ZNF519: variants seen among roughly 807,000 people sequenced by gnomAD.
ZNF519 encodes zinc finger protein 519, also known as similar to Zinc finger protein 85 (Zinc finger protein HPF4) (HTF1).
ZNF519 carries 7 observed loss-of-function variants against 7.4 expected under a neutral mutation model. The ratio of observed to expected loss-of-function variants is 0.94; its 90% CI spans 0.54 to 1.77. ZNF519 has a LOEUF of 1.77. ZNF519 is among the 40% of genes most tolerant of loss of function. The pLI is 0.00. For synonymous variants in ZNF519, 179 were observed against 203.3 expected (o/e 0.88, Z 1.02); for missense variants, 586 against 623.1 (o/e 0.94, Z 0.63).
At chr18:14,130,807 C>T (rs575993593) in intron 1 of ZNF519, among the ~76,000 whole-genome samples, 4 of 150,158 alleles carry the variant, frequency 2.7e-5, no homozygotes, top group South Asian at 2.1e-4. Flanking sequence ...GATTGGCTGA[C>T]AAGCAATGTG....
intron 3 of ZNF519, among the ~76,000 whole-genome samples, chr18:14,080,753 T>C (rs914882356): frequency 1.2e-4 from 19 of 152,216 alleles, no homozygotes; most frequent in Non-Finnish European, 2.4e-4. Flanking sequence ...GCTTTATTCA[T>C]AACTGCCAAA....
At chr18:14,074,401 CT>C, downstream of ZNF519, 1 of 152,522 alleles carries the variant, frequency 6.6e-6, no homozygotes, top group Non-Finnish European at 1.5e-5. Flanking sequence ...TGGAGCCCTC[CT>C]TTTCTGCTCC....
At chr18:14,110,920 A>G (rs1421279448) in intron 2 of ZNF519, among the ~76,000 whole-genome samples, 1 of 152,076 alleles carries the variant, frequency 6.6e-6, no homozygotes, top group Admixed American at 6.5e-5. Context: ...TGAGGGATAA[A>G]AGCTACATAT....
intron 1 of ZNF519, among the ~76,000 whole-genome samples, chr18:14,128,724 C>CACACACACACAA (rs1482574287): frequency 2.1e-5 from 3 of 146,118 alleles, no homozygotes; most frequent in East Asian, 2.1e-4. Flanking sequence ...CACACACACA[C>CACACACACACAA]AAAACCAAAT....
downstream of ZNF519, among the ~76,000 whole-genome samples, chr18:14,097,671 G>A (rs920827967): frequency 1.3e-5 from 2 of 152,110 alleles, no homozygotes; most frequent in African/African-American, 2.4e-5. Flanking sequence ...CCCTGAATGG[G>A]GACATGACCA....
chr18:14,087,095 A>T (rs894095277), intron 2 of ZNF519, among the ~76,000 whole-genome samples: 6 of 152,358 alleles, frequency 3.9e-5, no homozygotes, highest in Admixed American at 3.9e-4. Flanking sequence ...TATGCAAATC[A>T]ATAAAGGTGA....
rs1444647464 is a variant in ZNF519, at chr18:14,112,688, CAAATT to C, written c.131-6284_131-6280del. On this transcript the variant is annotated intron_variant, in intron 2 of 2. Coordinates refer to ENST00000590202, the MANE Select transcript of ZNF519 (RefSeq NM_145287.4). The stretch of plus-strand genomic sequence containing the variant: ...AGAGTAATCCCATTTACGATAGCCA[CAAATT>C]AAAATAAAATACCTAGGAATTAACC... 4.6e-5 allele frequency among the ~76,000 whole-genome samples: 7 copies of C among 151,940 alleles called. No individual in the cohort carries two copies. In the South Asian group the frequency reaches 1.2e-3, roughly 27 times the overall value.
chr18:14,074,103 A>C (rs1185624209), downstream of ZNF519: 1 of 152,248 alleles, frequency 6.6e-6, no homozygotes, highest in Non-Finnish European at 1.5e-5. Context: ...CTGCAGGATG[A>C]AGCTCTGCAG....
At chr18:14,092,414 GA>G (rs750394143) in intron 2 of ZNF519, among the ~76,000 whole-genome samples, 1 of 152,148 alleles carries the variant, frequency 6.6e-6, no homozygotes, top group Non-Finnish European at 1.5e-5. Flanking sequence ...TAATCAGGGG[GA>G]TATAAGTGTA....
chr18:14,111,330 C>G (rs2046219772), intron 2 of ZNF519, among the ~76,000 whole-genome samples: 1 of 150,836 alleles, frequency 6.6e-6, no homozygotes, highest in African/African-American at 2.4e-5. Context: ...CATGGCGAAA[C>G]CCCGTCTCTA....
rs1041127801 is a variant in ZNF519, at chr18:14,100,254, T to C, written c.*4663A>G. ...ATGATAGTCACTCTGGATAACAGAG[T>C]GCTAGTTTCTATTAAAATTAAACTT... On this transcript the variant is annotated 3_prime_UTR_variant, in exon 3 of 3. Transcript: ENST00000590202. 6.6e-6 allele frequency: 1 copy of C among 152,112 alleles called. No homozygotes were observed. Among genetic ancestry groups the C allele is most frequent in the Non-Finnish European group, 1.5e-5 (1 of 68,014 alleles). 9.4% of individuals were successfully genotyped at this position (152,112 alleles called of 1,614,324 possible). A position where few individuals can be genotyped will look rare whatever the true frequency, so the allele number is the denominator to read the frequency against.
chr18:14,081,830 G>T (rs1224805731), intron 3 of ZNF519, among the ~76,000 whole-genome samples: 1 of 151,964 alleles, frequency 6.6e-6, no homozygotes, highest in Non-Finnish European at 1.5e-5. Context: ...AAATTAAAAG[G>T]TCTCCAACGT....
At chr18:14,074,332 C>T (rs1013870139), downstream of ZNF519, 1 of 152,142 alleles carries the variant, frequency 6.6e-6, no homozygotes, top group Non-Finnish European at 1.5e-5. Context: ...CACTGGGAAA[C>T]AACTAAGTAT....
intron 1 of ZNF519, among the ~76,000 whole-genome samples, chr18:14,127,123 T>C (rs2046303126): frequency 6.6e-6 from 1 of 152,178 alleles, no homozygotes; most frequent in Admixed American, 6.5e-5. Flanking sequence ...CAGTTGTGAT[T>C]ATGGCTCTGG....
At chr18:14,086,541 C>T (rs1285632939) in intron 2 of ZNF519, among the ~76,000 whole-genome samples, 2 of 152,216 alleles carry the variant, frequency 1.3e-5, no homozygotes, top group African/African-American at 4.8e-5. Flanking sequence ...AAAGCAGGCA[C>T]ATGTGGCCTT....
Position 14,100,251 on chromosome 18 carries a change from G to A in ZNF519, c.*4666C>T, listed in dbSNP as rs1436520614. The A allele has an allele frequency of 6.6e-6, 1 of 152,164 alleles. No homozygotes were observed. The highest frequency in any genetic ancestry group is 2.4e-5 in the African/African-American group (1 of 41,432). The allele number at this position is 152,164 out of a possible 1,614,324, so 9.4% of individuals were successfully genotyped here. On this transcript the variant is annotated 3_prime_UTR_variant, in exon 3 of 3. Transcript: ENST00000590202. The stretch of plus-strand genomic sequence containing the variant: ...AAAATGATAGTCACTCTGGATAACA[G>A]AGTGCTAGTTTCTATTAAAATTAAA...
chr18:14,124,218 C>A, intron 2 of ZNF519, 132 bp downstream of exon 2: 26 of 740,588 alleles, frequency 3.5e-5, no homozygotes, highest in South Asian at 1.3e-4. Flanking sequence ...CACTAGCAAA[C>A]TCCCATTTTT....
At chr18:14,127,501 T>G (rs2046306504) in intron 1 of ZNF519, among the ~76,000 whole-genome samples, 2 of 152,158 alleles carry the variant, frequency 1.3e-5, no homozygotes, top group Admixed American at 1.3e-4. Context: ...TTCAACACCT[T>G]TTCTTCTCTC....
chr18:14,079,166 G>T (rs879323625), intron 3 of ZNF519, among the ~76,000 whole-genome samples: 2 of 152,172 alleles, frequency 1.3e-5, no homozygotes, highest in African/African-American at 4.8e-5. Context: ...CCACAGAGGT[G>T]ACTTGTCTAC....
Sources: gnomAD v4.1 joint callset for allele counts (sites outside exome capture counted in the v4.1 genomes callset) on GRCh38, gnomAD v4.1.1 for gene constraint, MANE v1.5 for transcripts, NCBI Gene and HGNC (gene_info 2026-07-23, HGNC 2026-07-21) for gene names.